The following DNAAF11 variants were observed in gnomAD, a reference collection of about 807,000 sequenced individuals.
DNAAF11 encodes the protein leucine rich repeat containing 6.
Under a neutral mutation model 60.8 loss-of-function variants are expected in DNAAF11, and 45 were observed. The ratio of observed to expected loss-of-function variants is 0.74; its 90% CI spans 0.58 to 0.95. The LOEUF is 0.95. DNAAF11 is among the 40% of genes least tolerant of loss of function. The probability of loss-of-function intolerance (pLI) is 0.00; values close to 1 mark genes in which losing one functional copy is unlikely to be tolerated. For synonymous variants in DNAAF11, 191 were observed against 183.5 expected (o/e 1.04, Z -0.33); for missense variants, 546 against 546.2 (o/e 1.00, Z 0.00).
intron 6 of DNAAF11, 60 bp from the exon 7 acceptor site, chr8:132,622,748 G>T: frequency 3.5e-6 from 4 of 1,152,766 alleles, no homozygotes; most frequent in Non-Finnish European, 3.9e-6. Flanking sequence ...CAAGCAAAGA[G>T]AATATAAAAG....
the DNAAF11 span, among the ~76,000 whole-genome samples, chr8:132,694,289 TAC>T: frequency 2.6e-5 from 4 of 152,164 alleles, no homozygotes; most frequent in Non-Finnish European, 4.4e-5. Context: ...CCCAAATTTG[TAC>T]AGAGTTAATG....
chr8:132,589,669 TA>T (rs1816260919), intron 10 of DNAAF11, among the ~76,000 whole-genome samples: 1 of 152,230 alleles, frequency 6.6e-6, no homozygotes, highest in Admixed American at 6.5e-5. Context: ...TAAATGTGCA[TA>T]ATGACTGCCA....
At chr8:132,599,286 C>A (rs1235282128) in intron 10 of DNAAF11, among the ~76,000 whole-genome samples, 1 of 152,072 alleles carries the variant, frequency 6.6e-6, no homozygotes, top group Admixed American at 6.6e-5. Flanking sequence ...TAATTAATAG[C>A]CTACCAACCA....
Position 132,611,274 on chromosome 8 carries a change from G to T in DNAAF11, c.1044+20C>A, listed in dbSNP as rs561429532. The T allele has an allele frequency of 2.5e-6, 4 of 1,569,812 alleles. No homozygotes were observed. The highest frequency in any genetic ancestry group is 2.6e-6 in the Non-Finnish European group (3 of 1,140,936). On this transcript the variant is annotated intron_variant, in intron 9 of 11. Transcript: ENST00000620350. ...AAGCTTAGCTTTTGAAATTGTAATA[G>T]CCTACAGGGTTCTACTTACCTTTCC... is the stretch of plus-strand genomic sequence containing the variant.
chr8:132,616,271 C>T (rs1819140958), intron 7 of DNAAF11, among the ~76,000 whole-genome samples: 1 of 152,096 alleles, frequency 6.6e-6, no homozygotes, highest in Non-Finnish European at 1.5e-5. Flanking sequence ...TTGTATGGCA[C>T]TTTCTAAGAA....
the DNAAF11 span, among the ~76,000 whole-genome samples, chr8:132,700,165 T>C: frequency 6.6e-6 from 1 of 152,190 alleles, no homozygotes; most frequent in African/African-American, 2.4e-5. Context: ...ATTAGATATA[T>C]ATTATTTTCT....
the DNAAF11 span, among the ~76,000 whole-genome samples, chr8:132,698,955 T>TATAC: frequency 1.7e-5 from 1 of 59,420 alleles, no homozygotes; most frequent in Non-Finnish European, 3.0e-5. Context: ...TATATATATA[T>TATAC]ACACACACAC....
chr8:132,661,846 T>C (rs1418358843), intron 1 of DNAAF11, among the ~76,000 whole-genome samples: 4 of 152,206 alleles, frequency 2.6e-5, no homozygotes, highest in Non-Finnish European at 5.9e-5. Flanking sequence ...GACATGATGA[T>C]ATTGTATTTG....
the DNAAF11 span, among the ~76,000 whole-genome samples, chr8:132,689,881 A>T: frequency 1.3e-5 from 2 of 151,654 alleles, no homozygotes; most frequent in Non-Finnish European, 2.9e-5. Flanking sequence ...TCCTGTGAAT[A>T]TTTTTTTTCC....
chr8:132,588,794 G>A (rs747345465), intron 10 of DNAAF11, among the ~76,000 whole-genome samples: 21 of 152,096 alleles, frequency 1.4e-4, no homozygotes, highest in Admixed American at 4.6e-4. Flanking sequence ...TGGTGGCATC[G>A]GCTTCTGGGA....
chr8:132,621,695 A>G (rs563021023), intron 7 of DNAAF11, among the ~76,000 whole-genome samples: 3 of 152,262 alleles, frequency 2.0e-5, no homozygotes, highest in Non-Finnish European at 4.4e-5. Context: ...TCTGTCTTGC[A>G]TTCCTGTCTG....
chr8:132,687,512 T>C, the DNAAF11 span: 2 of 426,396 alleles, frequency 4.7e-6, no homozygotes, highest in Non-Finnish European at 9.4e-6. Context: ...TTGCCTCATC[T>C]CATCGCTTCA....
At chr8:132,598,659 C>G (rs1817270826) in intron 10 of DNAAF11, among the ~76,000 whole-genome samples, 1 of 152,154 alleles carries the variant, frequency 6.6e-6, no homozygotes, top group Non-Finnish European at 1.5e-5. Context: ...AAGTATAAAT[C>G]CTGCAGTTAG....
chr8:132,589,989 C>T (rs185678376), intron 10 of DNAAF11, among the ~76,000 whole-genome samples: 2 of 152,194 alleles, frequency 1.3e-5, no homozygotes, highest in Non-Finnish European at 2.9e-5. Context: ...TCAGTGCAGA[C>T]CTTTGCAGTA....
intron 1 of DNAAF11, among the ~76,000 whole-genome samples, chr8:132,674,246 C>T (rs1303543668): frequency 6.6e-6 from 1 of 151,050 alleles, no homozygotes; most frequent in African/African-American, 2.4e-5. Flanking sequence ...AAAAAACCAA[C>T]TAGGGTGAGA....
intron 7 of DNAAF11, among the ~76,000 whole-genome samples, chr8:132,619,807 G>T (rs919057364): frequency 6.6e-6 from 1 of 152,178 alleles, no homozygotes; most frequent in Non-Finnish European, 1.5e-5. Context: ...AGAAGACCAA[G>T]GATAACTGAG....
chr8:132,622,647 G>A lies in DNAAF11; in HGVS notation c.878C>T (p.Thr293Ile). The part of the protein sequence containing the change: ...KKVKPPRTLI[T>I]EDGKALNVNE... ...CACATTTAGGGCTTTCCCATCTTCA[G>A]TGATCAAAGTCCTGGGTGGTTTCAC... Residue 293 changes from threonine to isoleucine, a missense_variant, in exon 7 of 12, where the codon ACT becomes ATT. Thr to Ile is a moderately conservative substitution (Grantham distance 89). Coordinates refer to ENST00000620350, the MANE Select transcript of DNAAF11 (RefSeq NM_012472.6). The A allele has an allele frequency of 6.2e-7, 1 of 1,613,720 alleles. No individual in the cohort carries two copies. Among genetic ancestry groups the A allele is most frequent in the South Asian group, 1.1e-5 (1 of 91,014 alleles).
intron 7 of DNAAF11, among the ~76,000 whole-genome samples, chr8:132,618,746 AG>A (rs768523000): frequency 6.6e-6 from 1 of 152,066 alleles, no homozygotes; most frequent in Non-Finnish European, 1.5e-5. Flanking sequence ...AACCACAATG[AG>A]ATACCATCTC....
chr8:132,675,538 C>G lies in DNAAF11; in HGVS notation c.-45G>C. The G allele has an allele frequency of 6.4e-7, 1 of 1,551,980 alleles. No homozygotes were observed. Among genetic ancestry groups the G allele is most frequent in the Non-Finnish European group, 8.7e-7 (1 of 1,144,080 alleles). On this transcript the variant is annotated 5_prime_UTR_variant, in exon 1 of 12. Transcript: ENST00000620350. ...GACCCCGCAAGCCGGACCCGGACCTCGAATGACGCTTTTCACCCTTCACCC... is the reference window on the plus strand; with the variant it reads ...GACCCCGCAAGCCGGACCCGGACCTGGAATGACGCTTTTCACCCTTCACCC...
Sources: allele counts gnomAD v4.1 joint callset (sites outside exome capture counted in the v4.1 genomes callset), GRCh38; gene constraint gnomAD v4.1.1; transcripts MANE v1.5; gene names NCBI Gene and HGNC (gene_info 2026-07-23, HGNC 2026-07-21).